DIP2B: variants seen among roughly 807,000 people sequenced by gnomAD.
DIP2B encodes the protein DIP2 acetate--CoA ligase B (putative), also known as disco-interacting protein 2 homolog B.
In DIP2B, 76 loss-of-function variants were observed where a neutral mutation model predicts 198.0. The ratio of observed to expected loss-of-function variants is 0.38; its 90% confidence interval spans 0.32 to 0.46. DIP2B has a LOEUF of 0.46. Among genes scored for constraint, DIP2B ranks in the 20% least tolerant of loss-of-function variants. The probability of loss-of-function intolerance (pLI) is 0.99; values close to 1 mark genes in which losing one functional copy is unlikely to be tolerated. For synonymous variants in DIP2B, 701 were observed against 739.1 expected, an observed-to-expected ratio of 0.95 and a Z score of 0.84; for missense variants, 1,559 against 1,978.4, an observed-to-expected ratio of 0.79 and a Z score of 4.02.
intron 1 of DIP2B, among the ~76,000 whole-genome samples, chr12:50,596,987 T>C (rs1329917181): frequency 6.6e-6 from 1 of 152,212 alleles, no homozygotes; most frequent in East Asian, 1.9e-4. Flanking sequence ...TTTTAGAAAT[T>C]TAAATTTTAA....
intron 3 of DIP2B, among the ~76,000 whole-genome samples, chr12:50,644,431 C>G (rs935412850): frequency 6.6e-6 from 1 of 152,158 alleles, no homozygotes; most frequent in African/African-American, 2.4e-5. Flanking sequence ...TTCGTATTAC[C>G]TTATTCAGCT....
At chr12:50,592,279 A>G (rs1033107161) in intron 1 of DIP2B, among the ~76,000 whole-genome samples, 46 of 152,222 alleles carry the variant, frequency 3.0e-4, no homozygotes, top group African/African-American at 1.0e-3. Flanking sequence ...GGCTCAGGCA[A>G]TCCTCTTGCC....
chr12:50,584,668 A>G (rs1191104739), intron 1 of DIP2B, among the ~76,000 whole-genome samples: 1 of 152,080 alleles, frequency 6.6e-6, no homozygotes, highest in Non-Finnish European at 1.5e-5. Context: ...GGTTCAAGCG[A>G]TTCTCCTGCC....
At chr12:50,600,000 A>G (rs1958921316) in intron 1 of DIP2B, among the ~76,000 whole-genome samples, 1 of 152,120 alleles carries the variant, frequency 6.6e-6, no homozygotes, top group African/African-American at 2.4e-5. Flanking sequence ...CTGAGCAGGG[A>G]AAAAAAATTG....
chr12:50,687,463 T>C (rs537410512), intron 12 of DIP2B, among the ~76,000 whole-genome samples: 151 of 152,270 alleles, frequency 9.9e-4, no homozygotes, highest in African/African-American at 3.5e-3. Flanking sequence ...CAATAAAAAT[T>C]TTTTTCAAGA....
At chr12:50,626,571 G>A (rs1012066681) in intron 2 of DIP2B, among the ~76,000 whole-genome samples, 2 of 152,132 alleles carry the variant, frequency 1.3e-5, no homozygotes, top group African/African-American at 4.8e-5. Flanking sequence ...TGCCAAAGGG[G>A]TTGCCATAAC....
At chr12:50,568,598 A>G (rs960987717) in intron 1 of DIP2B, among the ~76,000 whole-genome samples, 2 of 152,154 alleles carry the variant, frequency 1.3e-5, no homozygotes, top group Admixed American at 6.6e-5. Context: ...GAAGGAGTAA[A>G]AAAGAAAATA....
At chr12:50,677,908 A>T (rs1938975340) in intron 7 of DIP2B, among the ~76,000 whole-genome samples, 1 of 151,698 alleles carries the variant, frequency 6.6e-6, no homozygotes, top group Non-Finnish European at 1.5e-5. Flanking sequence ...GTGGGGGAAA[A>T]CTTGTACAGT....
intron 1 of DIP2B, among the ~76,000 whole-genome samples, chr12:50,620,895 A>G (rs1382994249): frequency 2.0e-5 from 3 of 152,150 alleles, no homozygotes; most frequent in Admixed American, 6.6e-5. Flanking sequence ...ACCATCCAGC[A>G]TACACCAGAC....
intron 1 of DIP2B, among the ~76,000 whole-genome samples, chr12:50,528,299 G>A (rs1473644341): frequency 6.7e-6 from 1 of 149,986 alleles, no homozygotes. Flanking sequence ...GATGATAATA[G>A]TATCTACGTT....
chr12:50,588,177 A>G (rs1374387141), intron 1 of DIP2B, among the ~76,000 whole-genome samples: 2 of 151,102 alleles, frequency 1.3e-5, no homozygotes, highest in Non-Finnish European at 2.9e-5. Context: ...TTTTGGAGAC[A>G]GTCTCACTCT....
chr12:50,632,796 C>T (rs1431282207), intron 2 of DIP2B, among the ~76,000 whole-genome samples: 4 of 151,926 alleles, frequency 2.6e-5, no homozygotes, highest in Non-Finnish European at 2.9e-5. Context: ...CTTCTCCTCC[C>T]GAAGTGCTGA....
At chr12:50,666,879 G>A (rs910088623) in intron 4 of DIP2B, among the ~76,000 whole-genome samples, 5 of 152,084 alleles carry the variant, frequency 3.3e-5, no homozygotes, top group African/African-American at 4.8e-5. Flanking sequence ...AAAATTAGCC[G>A]GGCATGGTGG....
intron 1 of DIP2B, among the ~76,000 whole-genome samples, chr12:50,544,288 C>T (rs946730198): frequency 6.6e-6 from 1 of 151,706 alleles, no homozygotes; most frequent in East Asian, 1.9e-4. Flanking sequence ...CAAGTGTAAA[C>T]ACTAATGGTA....
intron 37 of DIP2B, chr12:50,743,830 T>TAGA (rs1283574140): frequency 1.3e-5 from 2 of 152,182 alleles, no homozygotes; most frequent in African/African-American, 4.8e-5. Context: ...TCAGGAAAGG[T>TAGA]AGAAACAAGG....
Position 50,678,872 on chromosome 12 carries a change from A to T in DIP2B, c.1110A>T (p.Thr370=), listed in dbSNP as rs1938992228. ...CAGGGAAACCAGTTTACACTCTTAC[A>T]TATGGTGAGTCTGCAAGATTCCAGA... ...DMTGKPVYTL[T]YGKLWSRSLK... is the part of the protein sequence containing the mutation. Residue 370 remains threonine, a synonymous_variant, in exon 8 of 38, where the codon ACA becomes ACT. Transcript: ENST00000301180. 2.5e-6 allele frequency: 4 copies of T among 1,614,190 alleles called. No homozygotes were observed. The highest frequency in any genetic ancestry group is 1.6e-4 in the Middle Eastern group (1 of 6,062).
At chr12:50,704,279 T>G in intron 20 of DIP2B, 59 bp downstream of exon 20, 2 of 1,547,080 alleles carry the variant, frequency 1.3e-6, no homozygotes, top group Non-Finnish European at 1.8e-6. Flanking sequence ...GGACTTTAAT[T>G]CACAGAACAG....
At chr12:50,694,938 A>T (rs1375965339) in intron 14 of DIP2B, among the ~76,000 whole-genome samples, 3 of 152,130 alleles carry the variant, frequency 2.0e-5, no homozygotes, top group Non-Finnish European at 4.4e-5. Flanking sequence ...CAAGTTACAG[A>T]TATATGTATA....
At chr12:50,612,852 A>G (rs557741383) in intron 1 of DIP2B, among the ~76,000 whole-genome samples, 60 of 152,294 alleles carry the variant, frequency 3.9e-4, no homozygotes, top group African/African-American at 1.4e-3. Flanking sequence ...AGCCTGGATC[A>G]TTGCTTCCTT....
Sources: gnomAD v4.1 joint callset for allele counts (sites outside exome capture counted in the v4.1 genomes callset) on GRCh38, gnomAD v4.1.1 for gene constraint, MANE v1.5 for transcripts, NCBI Gene and HGNC (gene_info 2026-07-23, HGNC 2026-07-21) for gene names.